Variants in TCP11L2 observed in about 807,000 individuals in gnomAD.
TCP11L2 encodes the protein T-complex protein 11-like protein 2.
Under a neutral mutation model 50.7 loss-of-function variants are expected in TCP11L2, and 39 were observed. The ratio of observed to expected loss-of-function variants is 0.77; its 90% CI spans 0.60 to 1.01. The LOEUF is 1.01. TCP11L2 is among the 50% of genes least tolerant of loss of function. The probability of loss-of-function intolerance (pLI) is 0.00; values close to 1 mark genes in which losing one functional copy is unlikely to be tolerated. For synonymous variants in TCP11L2, 192 were observed against 219.3 expected (o/e 0.88, Z 1.10); for missense variants, 612 against 614.7 (o/e 1.00, Z 0.05).
intron 4 of TCP11L2, among the ~76,000 whole-genome samples, 191 bp downstream of exon 4, chr12:106,318,655 G>T (rs1294487629): frequency 6.6e-6 from 1 of 152,242 alleles, no homozygotes; most frequent in African/African-American, 2.4e-5. Context: ...TTCATAGATG[G>T]TGCCTTCTTG....
At chr12:106,303,294 C>G (rs1031016769) in intron 1 of TCP11L2, 9 of 153,078 alleles carry the variant, frequency 5.9e-5, no homozygotes, top group African/African-American at 1.7e-4. Flanking sequence ...CAGGGCACCC[C>G]CTTCCCCCAC....
At chr12:106,329,445 C>T in intron 6 of TCP11L2, 1 of 1,534,182 alleles carries the variant, frequency 6.5e-7, no homozygotes, top group Admixed American at 2.0e-5. Context: ...AGAGAAGAGC[C>T]AACGTTTCAC....
At chr12:106,317,842 T>TA (rs2035158720) in intron 3 of TCP11L2, among the ~76,000 whole-genome samples, 1 of 152,156 alleles carries the variant, frequency 6.6e-6, no homozygotes, top group Admixed American at 6.5e-5. Flanking sequence ...GAGCTCTTCC[T>TA]AGGAAGGCTT....
At chr12:106,311,906 CTAA>C (rs1460806184) in intron 2 of TCP11L2, among the ~76,000 whole-genome samples, 2 of 151,882 alleles carry the variant, frequency 1.3e-5, no homozygotes, top group African/African-American at 4.8e-5. Flanking sequence ...GAAAAAGCAA[CTAA>C]TGTTTAATAT....
chr12:106,311,227 C>T lies in TCP11L2; in HGVS notation c.152C>T (p.Pro51Leu). 2 of 1,613,790 alleles carry T rather than the reference C, an allele frequency of 1.2e-6. No individual in the cohort carries two copies. Among genetic ancestry groups the T allele is most frequent in the Non-Finnish European group, 1.7e-6 (2 of 1,179,836 alleles). Residue 51 changes from proline (P) to leucine (L), a missense_variant, in exon 2 of 10, where the codon CCT becomes CTT. Pro to Leu is a moderately conservative substitution (Grantham distance 98, BLOSUM62 -3). Coordinates refer to ENST00000299045, the MANE Select transcript of TCP11L2 (RefSeq NM_152772.3). ...GACTCCTCCAGCAAATCCAGCTCTC[C>T]TGCTTGTGAGCCGATGGGGGAGCAG... is the stretch of plus-strand genomic sequence containing the variant. ...ASDSSSKSSS[P>L]ASTSPPRVVT...
At chr12:106,308,029 TACAC>T (rs1279521265) in intron 1 of TCP11L2, among the ~76,000 whole-genome samples, 12 of 152,346 alleles carry the variant, frequency 7.9e-5, no homozygotes, top group African/African-American at 2.6e-4. Flanking sequence ...TCTGTTTGGA[TACAC>T]TAAGGCCCAG....
chr12:106,306,322 C>A (rs2034632333), intron 1 of TCP11L2, among the ~76,000 whole-genome samples: 1 of 152,222 alleles, frequency 6.6e-6, no homozygotes, highest in African/African-American at 2.4e-5. Context: ...TTCTCAGATT[C>A]ACCTATTAAC....
At chr12:106,339,797 C>G (rs35026331) in intron 8 of TCP11L2, among the ~76,000 whole-genome samples, 2 of 152,238 alleles carry the variant, frequency 1.3e-5, no homozygotes, top group Non-Finnish European at 2.9e-5. Context: ...TTATTACAAT[C>G]AGTCTATCCT....
At chr12:106,320,262 G>A (rs1323921934) in intron 4 of TCP11L2, among the ~76,000 whole-genome samples, 1 of 152,158 alleles carries the variant, frequency 6.6e-6, no homozygotes, top group Non-Finnish European at 1.5e-5. Context: ...GCTGGATGTG[G>A]TGGTGCACCC....
Position 106,332,274 on chromosome 12 carries a change from G to C in TCP11L2, c.773-3365G>C, listed in dbSNP as rs59923431. ...ATTAGGCAGTTTCTTATTAAACGCA[G>C]TTACAACCTAGCAATTGCAATACTG... On this transcript the variant is annotated intron_variant, in intron 6 of 9. Coordinates refer to ENST00000299045, the MANE Select transcript of TCP11L2 (RefSeq NM_152772.3). Among the ~76,000 whole-genome samples the C allele has an allele frequency of 1.5e-4, 23 of 152,320 alleles. No individual in the cohort carries two copies. The East Asian group carries it at 3.7e-3, about 24-fold the overall frequency.
chr12:106,345,817 G>T (rs1430467571), intron 9 of TCP11L2, among the ~76,000 whole-genome samples: 1 of 152,206 alleles, frequency 6.6e-6, no homozygotes, highest in African/African-American at 2.4e-5. Context: ...TGTGACTCAG[G>T]ATGGAAGCTT....
chr12:106,329,181 T>TA, intron 6 of TCP11L2: 2 of 911,018 alleles, frequency 2.2e-6, no homozygotes, highest in Admixed American at 4.5e-5. Context: ...GTCTCTCCCT[T>TA]ACTAGACTAG....
Position 106,319,203 on chromosome 12 carries a change from G to A in TCP11L2, c.414+739G>A, listed in dbSNP as rs536886048. 2.4e-4 allele frequency among the ~76,000 whole-genome samples: 37 copies of A among 152,288 alleles called. No homozygotes were observed. The South Asian group carries it at 3.9e-3, about 16-fold the overall frequency. On this transcript the variant is annotated intron_variant, in intron 4 of 9. Transcript: ENST00000299045. Reference sequence around the variant, plus strand: ...TGGGATTACAGGCGTGAGCCACCGCGCCCAGCCTAGGGTCTCTTTTATAAC... The same window carrying A: ...TGGGATTACAGGCGTGAGCCACCGCACCCAGCCTAGGGTCTCTTTTATAAC...
chr12:106,346,898 C>T lies in TCP11L2; in HGVS notation c.*368C>T, dbSNP rs187111547. 1,271 of 172,252 alleles carry T rather than the reference C, an allele frequency of 7.4e-3. 16 individuals are homozygous for T. Among genetic ancestry groups the T allele is most frequent in the Middle Eastern group, 0.024 (9 of 370 alleles). 10.7% of individuals were successfully genotyped at this position (172,252 alleles called of 1,614,324 possible). ...AGTTGTTTTTCTCACTTGTTATTAT[C>T]AAACCTAATGGTTTTTAATTTTGGT... On this transcript the variant is annotated 3_prime_UTR_variant, in exon 10 of 10. Coordinates refer to ENST00000299045, the MANE Select transcript of TCP11L2 (RefSeq NM_152772.3).
At chr12:106,309,042 A>G (rs1248147109) in intron 1 of TCP11L2, among the ~76,000 whole-genome samples, 2 of 152,238 alleles carry the variant, frequency 1.3e-5, no homozygotes, top group Admixed American at 6.5e-5. Flanking sequence ...GAGGAGTGCT[A>G]TTCACTTTGG....
chr12:106,329,295 C>G, intron 6 of TCP11L2: 1 of 1,535,968 alleles, frequency 6.5e-7, no homozygotes. Context: ...GTCAAATAAA[C>G]GAATGAGTGG....
intron 2 of TCP11L2, among the ~76,000 whole-genome samples, chr12:106,313,752 TGAG>T (rs890891884): frequency 6.8e-6 from 1 of 146,360 alleles, no homozygotes; most frequent in Non-Finnish European, 1.5e-5. Flanking sequence ...GCACTAAAAA[TGAG>T]GTAATTTAAT....
At position 106,323,736 on chromosome 12, in the gene TCP11L2, AAT is replaced by A. The variant is rs201078311; in HGVS notation, c.772+91_772+92del. ...ATTTAAATTAAATTAAATTAAATTAAATTAAATTAATAAATAAATAAAATTTA... is the reference window on the plus strand; with the variant it reads ...ATTTAAATTAAATTAAATTAAATTAATAAATTAATAAATAAATAAAATTTA... On this transcript the variant is annotated intron_variant, in intron 6 of 9. Transcript: ENST00000299045. The A allele has an allele frequency of 6.7e-3, 3,177 of 472,176 alleles. 56 individuals carry two copies. Among genetic ancestry groups the A allele is most frequent in the East Asian group, 0.023 (452 of 19,786 alleles). 29.2% of individuals were successfully genotyped at this position (472,176 alleles called of 1,614,324 possible).
chr12:106,325,935 G>A (rs2035529137), intron 6 of TCP11L2: 1 of 151,234 alleles, frequency 6.6e-6, no homozygotes, highest in Non-Finnish European at 1.5e-5. Context: ...CAGACTGGAG[G>A]GGGATCAAGG....
Sources: gnomAD v4.1 joint callset for allele counts (sites outside exome capture counted in the v4.1 genomes callset) on GRCh38, gnomAD v4.1.1 for gene constraint, MANE v1.5 for transcripts, NCBI Gene and HGNC (gene_info 2026-07-23, HGNC 2026-07-21) for gene names.